CFAP43: variants seen among roughly 807,000 people sequenced by gnomAD.
CFAP43 encodes the protein cilia- and flagella-associated protein 43.
A neutral mutation model predicts 218.9 loss-of-function variants in CFAP43; 155 were observed. The ratio of observed to expected loss-of-function variants is 0.71; its 90% CI spans 0.62 to 0.81. The LOEUF is 0.81. Among genes scored for constraint, CFAP43 ranks in the 30% least tolerant of loss-of-function variants. The pLI is 0.00. For missense variants in CFAP43, 1,778 were observed against 1,954.3 expected, an observed-to-expected ratio of 0.91 and a Z score of 1.70; for synonymous variants, 645 against 681.3, an observed-to-expected ratio of 0.95 and a Z score of 0.83.
At chr10:104,162,997 G>C (rs911741116) in intron 24 of CFAP43, among the ~76,000 whole-genome samples, 1 of 152,170 alleles carries the variant, frequency 6.6e-6, no homozygotes, top group African/African-American at 2.4e-5. Flanking sequence ...GCCCCAAGCA[G>C]GGCCCTCCAG....
At chr10:104,214,622 T>C (rs2090963554) in intron 3 of CFAP43, among the ~76,000 whole-genome samples, 196 bp from the exon 4 acceptor site, 1 of 152,204 alleles carries the variant, frequency 6.6e-6, no homozygotes, top group Admixed American at 6.5e-5. Flanking sequence ...AAAAACTATG[T>C]TTTAAAAACA....
intron 28 of CFAP43, among the ~76,000 whole-genome samples, chr10:104,148,305 C>T (rs17823267): frequency 0.025 from 3,772 of 152,260 alleles, 73 homozygotes; most frequent in South Asian, 0.068. Flanking sequence ...CAGAACTTTA[C>T]GACTGCAGTT....
At chr10:104,150,974 T>C (rs2088224131) in intron 28 of CFAP43, among the ~76,000 whole-genome samples, 1 of 152,128 alleles carries the variant, frequency 6.6e-6, no homozygotes, top group South Asian at 2.1e-4. Flanking sequence ...AGCTCCCACT[T>C]ATAAGTGAGA....
intron 3 of CFAP43, among the ~76,000 whole-genome samples, chr10:104,219,925 G>A (rs541248099): frequency 1.3e-5 from 2 of 152,190 alleles, no homozygotes; most frequent in South Asian, 4.1e-4. Context: ...ATTGCTATGG[G>A]TTGAACTGTG....
chr10:104,209,334 T>C (rs1458129357), intron 5 of CFAP43, among the ~76,000 whole-genome samples: 3 of 152,248 alleles, frequency 2.0e-5, no homozygotes, highest in Non-Finnish European at 4.4e-5. Context: ...TTTAGGGTTG[T>C]CAAACTATAA....
chr10:104,188,485 A>G, intron 12 of CFAP43, 75 bp from the exon 13 acceptor site: 1 of 1,544,440 alleles, frequency 6.5e-7, no homozygotes, highest in African/African-American at 1.4e-5. Context: ...TCCAATTAAG[A>G]TATCATCCAT....
chr10:104,202,713 T>C (rs1217808034), intron 8 of CFAP43, among the ~76,000 whole-genome samples: 1 of 152,170 alleles, frequency 6.6e-6, no homozygotes, highest in South Asian at 2.1e-4. Context: ...TTAGAAGTTC[T>C]ATTTGGGTCT....
Position 104,212,112 on chromosome 10 carries a change from C to T in CFAP43, c.630G>A (p.Thr210=), listed in dbSNP as rs374264630. ...GCAACGACTGGGGGAAAACGACATC[C>T]GTTTCATTAAAAAATGACCCATCTT... ...PLEDGSFFNE[T]DVVFPQSLPK... Residue 210 remains threonine, a synonymous_variant, in exon 5 of 38, where the codon ACG becomes ACA. Transcript: ENST00000357060. 21 of 1,613,828 alleles carry T rather than the reference C, an allele frequency of 1.3e-5. No individual in the cohort carries two copies. Among genetic ancestry groups the T allele is most frequent in the African/African-American group, 2.7e-5 (2 of 75,002 alleles).
intron 19 of CFAP43, among the ~76,000 whole-genome samples, chr10:104,174,420 C>T (rs2089533074): frequency 6.6e-6 from 1 of 152,162 alleles, no homozygotes; most frequent in Non-Finnish European, 1.5e-5. Flanking sequence ...TATCTGATTT[C>T]CTGAGACTTA....
Position 104,142,852 on chromosome 10 carries a change from C to G in CFAP43, c.4159-459G>C, listed in dbSNP as rs146352642. ...TAGCAAAACTATAAAGTTGGTTCTG[C>G]TGAGCCAAATATAATTCTAATCTAT... On this transcript the variant is annotated intron_variant, in intron 32 of 37. Coordinates refer to ENST00000357060, the MANE Select transcript of CFAP43 (RefSeq NM_025145.7). Among the ~76,000 whole-genome samples the G allele has an allele frequency of 3.8e-3, 573 of 152,180 alleles. 2 individuals carry two copies. The highest frequency in any genetic ancestry group is 0.013 in the African/African-American group (555 of 41,526).
At chr10:104,136,585 G>GT (rs1445728460) in intron 34 of CFAP43, among the ~76,000 whole-genome samples, 1 of 151,928 alleles carries the variant, frequency 6.6e-6, no homozygotes. Flanking sequence ...GGCCAGGCTG[G>GT]TCTTAAACTC....
chr10:104,168,092 C>A (rs1019161031), intron 21 of CFAP43, among the ~76,000 whole-genome samples: 2 of 152,048 alleles, frequency 1.3e-5, no homozygotes, highest in Non-Finnish European at 2.9e-5. Flanking sequence ...CAAATAGAGG[C>A]CAGAGATGTT....
chr10:104,186,766 G>A (rs1460037689), intron 14 of CFAP43, among the ~76,000 whole-genome samples: 1 of 152,108 alleles, frequency 6.6e-6, no homozygotes, highest in Non-Finnish European at 1.5e-5. Context: ...GAAGAATTTA[G>A]AGGAAGGAAG....
chr10:104,199,741 G>T (rs1269611840), intron 8 of CFAP43, among the ~76,000 whole-genome samples: 1 of 152,200 alleles, frequency 6.6e-6, no homozygotes, highest in Non-Finnish European at 1.5e-5. Context: ...AGCTGAACAG[G>T]CAGGCCTCCA....
intron 6 of CFAP43, among the ~76,000 whole-genome samples, chr10:104,206,448 G>A (rs1391534877): frequency 3.9e-5 from 6 of 152,188 alleles, no homozygotes; most frequent in Non-Finnish European, 7.3e-5. Context: ...TAAATGACTG[G>A]CTCAGAAAAC....
rs764642152 is a variant in CFAP43 at position 104,168,790 on chromosome 10, T to C, written c.2645A>G (p.Lys882Arg). 3.7e-6 allele frequency: 6 copies of C among 1,614,166 alleles called. No individual in the cohort carries two copies. The highest frequency in any genetic ancestry group is 4.5e-5 in the East Asian group (2 of 44,880). The change falls in exon 21 of 38, where the codon AAA (lysine) becomes AGA (arginine). Residue 882 changes from lysine (K) to arginine (R), a missense_variant. By Grantham distance (26) the Lys-to-Arg change is conservative. Transcript: ENST00000357060. ...LAKSYLAELI[K>R]EECWNSMAVK... ...AGCCATCGAATTCCAACATTCTTCT[T>C]TGATAAGTTCAGCCAAATAGCTCTT...
intron 34 of CFAP43, among the ~76,000 whole-genome samples, chr10:104,139,882 A>C (rs1264156468): frequency 6.6e-6 from 1 of 152,182 alleles, no homozygotes; most frequent in Non-Finnish European, 1.5e-5. Flanking sequence ...TGTCTAAAGC[A>C]AAAAATAATA....
intron 2 of CFAP43, among the ~76,000 whole-genome samples, chr10:104,229,499 T>TAAAA (rs34183569): frequency 5.1e-4 from 50 of 97,804 alleles, no homozygotes; most frequent in African/African-American, 1.9e-3. Context: ...GCCAAAAACA[T>TAAAA]AAAAAAAAAA....
In CFAP43 at chr10:104,207,704, C is replaced by G. The variant is rs2090736661; in HGVS notation, c.856G>C (p.Val286Leu). The G allele has an allele frequency of 6.2e-7, 1 of 1,614,128 alleles. No individual in the cohort carries two copies. The highest frequency in any genetic ancestry group is 8.5e-7 in the Non-Finnish European group (1 of 1,179,990). The change falls in exon 6 of 38, where the codon GTG becomes CTG. Residue 286 changes from valine (V) to leucine (L), a missense_variant. Coordinates refer to ENST00000357060, the MANE Select transcript of CFAP43 (RefSeq NM_025145.7). ...LLMINGDTLQ[V>L]TVLNKIEEES... ...TCTTCTATCTTATTAAGTACAGTCA[C>G]TTGCAAGGTGTCTCCATTAATCATT...
Sources: gnomAD v4.1 joint callset for allele counts (sites outside exome capture counted in the v4.1 genomes callset) on GRCh38, gnomAD v4.1.1 for gene constraint, MANE v1.5 for transcripts, NCBI Gene and HGNC (gene_info 2026-07-23, HGNC 2026-07-21) for gene names.